PTPRG: variants seen among roughly 807,000 people sequenced by gnomAD.
PTPRG encodes receptor-type tyrosine-protein phosphatase gamma.
Under a neutral mutation model 165.3 loss-of-function variants are expected in PTPRG, and 102 were observed. The observed-to-expected ratio is 0.62, with a 90% confidence interval of 0.53 to 0.73. The LOEUF is 0.73. Among genes scored for constraint, PTPRG ranks in the 30% least tolerant of loss-of-function variants. The pLI is 0.00. For missense variants in PTPRG, 1,866 were observed against 1,861.4 expected, an observed-to-expected ratio of 1.00 and a Z score of -0.05; for synonymous variants, 675 against 669.5, an observed-to-expected ratio of 1.01 and a Z score of -0.13.
intron 1 of PTPRG, among the ~76,000 whole-genome samples, chr3:61,705,185 C>T (rs2106722305): frequency 6.6e-6 from 1 of 152,314 alleles, no homozygotes; most frequent in East Asian, 1.9e-4. Context: ...CACGAAGGGG[C>T]TCTTGGGGCA....
At chr3:61,622,879 G>C (rs1410601524) in intron 1 of PTPRG, among the ~76,000 whole-genome samples, 1 of 152,084 alleles carries the variant, frequency 6.6e-6, no homozygotes, top group East Asian at 1.9e-4. Context: ...TTGTCTTTAA[G>C]AAGGTACATT....
chr3:61,808,628 G>A (rs954177072), intron 2 of PTPRG, among the ~76,000 whole-genome samples: 5 of 152,006 alleles, frequency 3.3e-5, no homozygotes, highest in African/African-American at 7.3e-5. Flanking sequence ...TCGCAAAATC[G>A]CACAAAGATT....
intron 2 of PTPRG, among the ~76,000 whole-genome samples, chr3:61,791,211 T>C (rs777287995): frequency 2.6e-4 from 40 of 152,366 alleles, no homozygotes; most frequent in Admixed American, 5.2e-4. Context: ...AGCAAGAAAC[T>C]GTCCTTTCTT....
intron 1 of PTPRG, among the ~76,000 whole-genome samples, chr3:61,592,361 G>A (rs940159957): frequency 1.6e-4 from 25 of 152,090 alleles, no homozygotes; most frequent in Non-Finnish European, 8.8e-5. Flanking sequence ...TTCAGAGCAA[G>A]TATGGCCTAG....
intron 1 of PTPRG, among the ~76,000 whole-genome samples, chr3:61,703,936 G>A (rs1297506128): frequency 1.3e-5 from 2 of 152,184 alleles, no homozygotes; most frequent in African/African-American, 4.8e-5. Flanking sequence ...ACAAAAGTGA[G>A]CTGGATATAC....
At chr3:62,230,967 G>A (rs889265531) in intron 13 of PTPRG, among the ~76,000 whole-genome samples, 1 of 152,178 alleles carries the variant, frequency 6.6e-6, no homozygotes, top group East Asian at 1.9e-4. Flanking sequence ...CATTAACACC[G>A]GGGTAATAGA....
intron 28 of PTPRG, among the ~76,000 whole-genome samples, chr3:62,291,406 A>G (rs1431130013): frequency 2.0e-5 from 3 of 152,074 alleles, no homozygotes; most frequent in African/African-American, 7.2e-5. Flanking sequence ...TAGAAGGTAA[A>G]CCTGGTATGC....
At chr3:61,738,298 A>AAACC (rs1559583303) in intron 1 of PTPRG, among the ~76,000 whole-genome samples, 1 of 48,208 alleles carries the variant, frequency 2.1e-5, no homozygotes, top group Non-Finnish European at 4.9e-5. Flanking sequence ...ATATATATAT[A>AAACC]TATATATATA....
intron 2 of PTPRG, among the ~76,000 whole-genome samples, chr3:61,755,653 G>C (rs965257735): frequency 6.6e-6 from 1 of 152,194 alleles, no homozygotes; most frequent in Non-Finnish European, 1.5e-5. Flanking sequence ...AAGACAGGCA[G>C]GTGTTTGCCA....
chr3:61,581,601 C>T (rs1700295527), intron 1 of PTPRG, among the ~76,000 whole-genome samples: 2 of 110,712 alleles, frequency 1.8e-5, no homozygotes, highest in African/African-American at 4.2e-5. Context: ...ATGGTTGCTT[C>T]TTTTTTTCTT....
At chr3:61,645,946 G>A (rs1204807455) in intron 1 of PTPRG, among the ~76,000 whole-genome samples, 1 of 152,090 alleles carries the variant, frequency 6.6e-6, no homozygotes, top group African/African-American at 2.4e-5. Flanking sequence ...TGCCACTAGG[G>A]TATTCATTCC....
chr3:61,597,113 T>TAC (rs1297921260), intron 1 of PTPRG, among the ~76,000 whole-genome samples: 1 of 152,122 alleles, frequency 6.6e-6, no homozygotes, highest in African/African-American at 2.4e-5. Flanking sequence ...ATAAGGAACT[T>TAC]ACTCTCCCAG....
intron 2 of PTPRG, among the ~76,000 whole-genome samples, chr3:61,940,916 G>C (rs1414250151): frequency 1.3e-5 from 2 of 151,890 alleles, no homozygotes; most frequent in African/African-American, 2.4e-5. Context: ...CGCCCGCCTC[G>C]GCCTCCCAAA....
chr3:61,926,202 G>C (rs1239301968), intron 2 of PTPRG, among the ~76,000 whole-genome samples: 1 of 152,070 alleles, frequency 6.6e-6, no homozygotes, highest in East Asian at 1.9e-4. Context: ...GATATGGTTC[G>C]GATCTGTGTC....
At chr3:61,857,327 A>G (rs1293528422) in intron 2 of PTPRG, among the ~76,000 whole-genome samples, 4 of 152,210 alleles carry the variant, frequency 2.6e-5, no homozygotes, top group African/African-American at 9.6e-5. Flanking sequence ...ATATCCCATC[A>G]TAGGAGACAG....
In PTPRG at chr3:62,198,660, A is replaced by G. The variant is rs553822605; in HGVS notation, c.1328-2845A>G. Among the ~76,000 whole-genome samples the G allele has an allele frequency of 4.6e-5, 7 of 152,340 alleles. No homozygotes were observed. In the South Asian group the frequency reaches 8.3e-4, roughly 18 times the overall value. Reference sequence around the variant, plus strand: ...ATATTTTAAACACATTTGGGATATAATAATATATGTGCTTTTTAAAATTAA... The same window carrying G: ...ATATTTTAAACACATTTGGGATATAGTAATATATGTGCTTTTTAAAATTAA... On this transcript the variant is annotated intron_variant, in intron 10 of 29. Coordinates refer to ENST00000474889, the MANE Select transcript of PTPRG (RefSeq NM_002841.4).
At chr3:61,901,107 C>G (rs1239959985) in intron 2 of PTPRG, among the ~76,000 whole-genome samples, 1 of 152,200 alleles carries the variant, frequency 6.6e-6, no homozygotes, top group Non-Finnish European at 1.5e-5. Context: ...ACCATATGGA[C>G]TAACGTGGAT....
At chr3:61,915,222 C>G (rs1286866055) in intron 2 of PTPRG, among the ~76,000 whole-genome samples, 2 of 151,892 alleles carry the variant, frequency 1.3e-5, no homozygotes, top group Non-Finnish European at 1.5e-5. Context: ...GAGTGAGACT[C>G]TGTCTCAAAA....
At chr3:61,638,591 G>GTTTTTTTTTTTTTTTTTTTTT (rs34396141) in intron 1 of PTPRG, among the ~76,000 whole-genome samples, 1 of 58,716 alleles carries the variant, frequency 1.7e-5, no homozygotes, top group African/African-American at 6.5e-5. Context: ...TGCCTGGCTA[G>GTTTTTTTTTTTTTTTTTTTTT]TTTTTTTTTT....
Sources: allele counts gnomAD v4.1 joint callset (sites outside exome capture counted in the v4.1 genomes callset), GRCh38; gene constraint gnomAD v4.1.1; transcripts MANE v1.5; gene names NCBI Gene and HGNC (gene_info 2026-07-23, HGNC 2026-07-21).